The following PTPRD variants were observed in gnomAD, a reference collection of about 807,000 sequenced individuals.
PTPRD encodes receptor-type tyrosine-protein phosphatase delta.
Under a neutral mutation model 214.5 loss-of-function variants are expected in PTPRD, and 34 were observed. That is an observed-to-expected ratio of 0.16 (90% CI 0.12 to 0.21). PTPRD has a LOEUF of 0.21. PTPRD is among the 10% of genes least tolerant of loss of function. The pLI is 1.00. For synonymous variants in PTPRD, 1,128 were observed against 845.7 expected (o/e 1.33, Z -5.79); for missense variants, 2,545 against 2,398.7 (o/e 1.06, Z -1.27).
chr9:9,645,152 G>A (rs1181639052), intron 7 of PTPRD, among the ~76,000 whole-genome samples: 2 of 152,170 alleles, frequency 1.3e-5, no homozygotes, highest in African/African-American at 2.4e-5. Context: ...CTGCTCACCT[G>A]CGTGCTTGCC....
At chr9:9,283,232 G>C (rs972721336) in intron 9 of PTPRD, among the ~76,000 whole-genome samples, 1 of 151,382 alleles carries the variant, frequency 6.6e-6, no homozygotes, top group South Asian at 2.1e-4. Flanking sequence ...TTCTGTTAAG[G>C]TTATGCTAAT....
chr9:8,423,837 T>G (rs1005732234), intron 35 of PTPRD, among the ~76,000 whole-genome samples: 6 of 152,110 alleles, frequency 3.9e-5, no homozygotes, highest in African/African-American at 1.4e-4. Flanking sequence ...TTTCCTTGAT[T>G]TTATTTACCT....
intron 3 of PTPRD, among the ~76,000 whole-genome samples, chr9:10,171,029 C>T (rs559441694): frequency 2.6e-5 from 4 of 152,252 alleles, no homozygotes; most frequent in South Asian, 2.1e-4. Flanking sequence ...GTGCTTGGCA[C>T]ATATTAGGCA....
intron 5 of PTPRD, among the ~76,000 whole-genome samples, chr9:9,855,391 A>C (rs2153676961): frequency 6.6e-6 from 1 of 152,290 alleles, no homozygotes; most frequent in South Asian, 2.1e-4. Flanking sequence ...AAAATAGCAG[A>C]GGCTCTCTCT....
At chr9:9,431,075 C>T (rs897251796) in intron 8 of PTPRD, among the ~76,000 whole-genome samples, 1 of 152,152 alleles carries the variant, frequency 6.6e-6, no homozygotes, top group Non-Finnish European at 1.5e-5. Flanking sequence ...AACTAAAGAA[C>T]CTCTGCACAG....
chr9:8,598,685 T>C lies in PTPRD; in HGVS notation c.352+34632A>G, dbSNP rs940178966. On this transcript the variant is annotated intron_variant, in intron 14 of 45. Transcript: ENST00000381196. ...AATGTACAATGCTGCTTATACTTCA[T>C]AGCACTAAAAAGTATCCTTCATCAT... Among the ~76,000 whole-genome samples the C allele has an allele frequency of 4.6e-5, 7 of 152,294 alleles. No individual in the cohort carries two copies. In the East Asian group the frequency reaches 5.8e-4, roughly 13 times the overall value.
intron 3 of PTPRD, among the ~76,000 whole-genome samples, chr9:10,087,425 TATTG>T (rs1203452822): frequency 6.6e-6 from 1 of 151,700 alleles, no homozygotes; most frequent in African/African-American, 2.4e-5. Flanking sequence ...TTACACTATC[TATTG>T]AAGATGTGGG....
intron 12 of PTPRD, among the ~76,000 whole-genome samples, chr9:8,708,563 C>T (rs1348049523): frequency 1.3e-5 from 2 of 151,304 alleles, no homozygotes; most frequent in African/African-American, 4.9e-5. Flanking sequence ...CCTGTAATCC[C>T]AGCTACTCAG....
chr9:9,510,911 T>C (rs560735077), intron 8 of PTPRD, among the ~76,000 whole-genome samples: 1 of 151,786 alleles, frequency 6.6e-6, no homozygotes, highest in Non-Finnish European at 1.5e-5. Flanking sequence ...CTACTTGGTT[T>C]TAATTTTCTC....
At chr9:10,482,095 G>A (rs563430666) in intron 2 of PTPRD, among the ~76,000 whole-genome samples, 5 of 152,296 alleles carry the variant, frequency 3.3e-5, no homozygotes, top group Non-Finnish European at 2.9e-5. Flanking sequence ...ATGTTGGCCG[G>A]GCGCGGTGGC....
intron 10 of PTPRD, among the ~76,000 whole-genome samples, chr9:9,134,058 CTTTTTTTTTTTT>C (rs928663989): frequency 8.0e-5 from 6 of 75,424 alleles, no homozygotes; most frequent in African/African-American, 1.1e-4. Flanking sequence ...TAGAATCATT[CTTTTTTTTTTTT>C]TTTTTTTTTT....
At chr9:9,403,318 C>T (rs368909127) in intron 8 of PTPRD, among the ~76,000 whole-genome samples, 2 of 117,502 alleles carry the variant, frequency 1.7e-5, no homozygotes, top group Admixed American at 8.5e-5. Flanking sequence ...AAAACCAAAA[C>T]AAAAAACCCA....
intron 14 of PTPRD, among the ~76,000 whole-genome samples, chr9:8,584,021 G>A (rs1207163302): frequency 6.6e-6 from 1 of 152,032 alleles, no homozygotes; most frequent in African/African-American, 2.4e-5. Context: ...CGGTGTGGTG[G>A]TGTGTACTTG....
chr9:9,752,723 C>T (rs2098532908), intron 6 of PTPRD, among the ~76,000 whole-genome samples: 1 of 151,944 alleles, frequency 6.6e-6, no homozygotes, highest in African/African-American at 2.4e-5. Flanking sequence ...TATTTTTACA[C>T]TAAAATTATC....
chr9:10,153,803 A>G (rs1257109247), intron 3 of PTPRD, among the ~76,000 whole-genome samples: 1 of 152,024 alleles, frequency 6.6e-6, no homozygotes, highest in Non-Finnish European at 1.5e-5. Flanking sequence ...TGTTCCTGCA[A>G]ATGACATGAT....
At chr9:9,072,248 G>C (rs770934427) in intron 10 of PTPRD, among the ~76,000 whole-genome samples, 7 of 149,672 alleles carry the variant, frequency 4.7e-5, no homozygotes, top group Non-Finnish European at 5.9e-5. Flanking sequence ...AGAAAGAAAA[G>C]AGTCTTTCTC....
At chr9:8,576,631 C>CAA (rs71317371) in intron 14 of PTPRD, among the ~76,000 whole-genome samples, 1,431 of 115,976 alleles carry the variant, frequency 0.012, 34 homozygotes, top group African/African-American at 0.03. Flanking sequence ...GCTAATGCAG[C>CAA]AAAAAAAAAA....
chr9:8,444,764 A>G (rs184349352), intron 34 of PTPRD, among the ~76,000 whole-genome samples: 1 of 152,296 alleles, frequency 6.6e-6, no homozygotes, highest in Admixed American at 6.5e-5. Flanking sequence ...TTTGAAATTA[A>G]AAAGATGTTC....
intron 7 of PTPRD, among the ~76,000 whole-genome samples, chr9:9,712,353 C>T (rs545743646): frequency 6.6e-6 from 1 of 151,934 alleles, no homozygotes; most frequent in African/African-American, 2.4e-5. Context: ...CAGTGATAGG[C>T]TGACAAATCT....
Sources: allele counts gnomAD v4.1 joint callset (sites outside exome capture counted in the v4.1 genomes callset), GRCh38; gene constraint gnomAD v4.1.1; transcripts MANE v1.5; gene names NCBI Gene and HGNC (gene_info 2026-07-23, HGNC 2026-07-21).